The following TNFRSF19 variants were observed in gnomAD, a reference collection of about 807,000 sequenced individuals.
The protein encoded by TNFRSF19 is tumor necrosis factor receptor superfamily member 19.
TNFRSF19 carries 27 observed loss-of-function variants against 46.4 expected under a neutral mutation model. The ratio of observed to expected loss-of-function variants is 0.58; its 90% CI spans 0.43 to 0.80. TNFRSF19 has a LOEUF of 0.80. Among genes scored for constraint, TNFRSF19 ranks in the 30% least tolerant of loss-of-function variants. The pLI, the probability that TNFRSF19 is intolerant of heterozygous loss-of-function variation, is 0.00. For missense variants in TNFRSF19, 511 were observed against 530.8 expected (o/e 0.96, Z 0.37); for synonymous variants, 204 against 205.0 (o/e 1.00, Z 0.04).
chr13:23,622,090 T>C (rs1229951826), intron 4 of TNFRSF19, among the ~76,000 whole-genome samples: 4 of 152,166 alleles, frequency 2.6e-5, no homozygotes, highest in Non-Finnish European at 5.9e-5. Flanking sequence ...TAGCATTTCT[T>C]ATTATTTCTA....
At chr13:23,651,864 T>TTATC (rs1883661992) in intron 5 of TNFRSF19, among the ~76,000 whole-genome samples, 1 of 59,074 alleles carries the variant, frequency 1.7e-5, no homozygotes. Flanking sequence ...TTTTTTTTAC[T>TTATC]CTAAATGGTT....
intron 1 of TNFRSF19, among the ~76,000 whole-genome samples, chr13:23,581,836 C>G (rs1878458632): frequency 6.6e-6 from 1 of 152,144 alleles, no homozygotes; most frequent in African/African-American, 2.4e-5. Context: ...AACAAAAACT[C>G]CAGGCATCTT....
chr13:23,644,422 G>T lies in TNFRSF19; in HGVS notation c.446-14628G>T, dbSNP rs568716851. On this transcript the variant is annotated intron_variant, in intron 5 of 9. Transcript: ENST00000248484. ...TTTTATAAGGGGCTTTCCCCCCTTT[G>T]CTTGGCACCTCTCCTTGCTGCCGCC... Among the ~76,000 whole-genome samples, 4 of 152,258 alleles carry T rather than the reference G, an allele frequency of 2.6e-5. No individual in the cohort carries two copies. In the East Asian group the frequency reaches 7.7e-4, roughly 29 times the overall value.
At chr13:23,595,463 A>G (rs1879652833) in intron 3 of TNFRSF19, among the ~76,000 whole-genome samples, 1 of 152,202 alleles carries the variant, frequency 6.6e-6, no homozygotes, top group Non-Finnish European at 1.5e-5. Context: ...CATGAAGCAT[A>G]CACAAGTATC....
chr13:23,619,879 G>A (rs1477439187), intron 4 of TNFRSF19, among the ~76,000 whole-genome samples: 2 of 152,186 alleles, frequency 1.3e-5, no homozygotes, highest in African/African-American at 2.4e-5. Flanking sequence ...CCGGAGTAGG[G>A]GAGCAGGTCT....
chr13:23,618,277 C>A (rs1881439285), intron 4 of TNFRSF19, among the ~76,000 whole-genome samples: 1 of 152,050 alleles, frequency 6.6e-6, no homozygotes, highest in African/African-American at 2.4e-5. Context: ...TAGAATATGT[C>A]CTCACATATT....
intron 9 of TNFRSF19, among the ~76,000 whole-genome samples, chr13:23,671,503 G>T (rs914619438): frequency 6.2e-4 from 63 of 102,306 alleles, no homozygotes; most frequent in African/African-American, 2.4e-3. Context: ...ATTTCCAGAT[G>T]CTGGAAAAAA....
chr13:23,626,682 A>G (rs1882035001), intron 4 of TNFRSF19, 25 bp from the exon 5 acceptor site: 3 of 1,608,986 alleles, frequency 1.9e-6, no homozygotes, highest in African/African-American at 2.7e-5. Context: ...AGAGTTAACA[A>G]GGAGTATTTT....
At chr13:23,580,035 C>T (rs1321532542) in intron 1 of TNFRSF19, among the ~76,000 whole-genome samples, 4 of 152,142 alleles carry the variant, frequency 2.6e-5, no homozygotes, top group Admixed American at 1.3e-4. Flanking sequence ...GGAAAGAGTT[C>T]CTTAGAGTTC....
At chr13:23,644,659 C>T (rs1054058080) in intron 5 of TNFRSF19, among the ~76,000 whole-genome samples, 1 of 152,188 alleles carries the variant, frequency 6.6e-6, no homozygotes, top group African/African-American at 2.4e-5. Flanking sequence ...AGCTTGGAAA[C>T]GCAGCCCTCA....
intron 5 of TNFRSF19, among the ~76,000 whole-genome samples, chr13:23,647,359 C>G (rs1883394329): frequency 6.6e-6 from 1 of 152,078 alleles, no homozygotes; most frequent in South Asian, 2.1e-4. Context: ...ATTCCAAGCC[C>G]AAGGTCATGA....
chr13:23,605,609 A>G (rs1237349370), intron 3 of TNFRSF19, among the ~76,000 whole-genome samples: 1 of 152,154 alleles, frequency 6.6e-6, no homozygotes, highest in Non-Finnish European at 1.5e-5. Context: ...GATCCCTACA[A>G]TGGAATATTA....
At chr13:23,582,682 C>T (rs1167255168) in intron 1 of TNFRSF19, among the ~76,000 whole-genome samples, 1 of 152,202 alleles carries the variant, frequency 6.6e-6, no homozygotes, top group East Asian at 1.9e-4. Context: ...CAAAAGTTTC[C>T]TTACAACTCG....
intron 1 of TNFRSF19, among the ~76,000 whole-genome samples, chr13:23,579,949 C>A (rs1490752825): frequency 1.3e-5 from 2 of 152,224 alleles, no homozygotes; most frequent in Non-Finnish European, 2.9e-5. Flanking sequence ...GCAGGGGTCT[C>A]GGGGCCGCAT....
At chr13:23,672,572 A>C (rs1313504882) in intron 9 of TNFRSF19, among the ~76,000 whole-genome samples, 1 of 152,198 alleles carries the variant, frequency 6.6e-6, no homozygotes, top group Admixed American at 6.5e-5. Flanking sequence ...ATTTGATAAA[A>C]CTATCTCCTG....
intron 1 of TNFRSF19, among the ~76,000 whole-genome samples, chr13:23,584,469 C>T (rs1393915070): frequency 6.6e-6 from 1 of 151,950 alleles, no homozygotes; most frequent in Admixed American, 6.6e-5. Flanking sequence ...TTTAGCCACT[C>T]ACTGATTTAT....
At position 23,633,837 on chromosome 13, in the gene TNFRSF19, G is replaced by A. The variant is rs141448830; in HGVS notation, c.445+7045G>A. On this transcript the variant is annotated intron_variant, in intron 5 of 9. Transcript: ENST00000248484. ...GCACTCCAGCCTGGGTGACAAGAGCGAAACTCCATCTCAAAACATAAGATA... is the reference window on the plus strand; with the variant it reads ...GCACTCCAGCCTGGGTGACAAGAGCAAAACTCCATCTCAAAACATAAGATA... Among the ~76,000 whole-genome samples, 128 of 152,158 alleles carry A rather than the reference G, an allele frequency of 8.4e-4. 3 individuals carry two copies. In the East Asian group the frequency reaches 0.02, roughly 24 times the overall value.
intron 3 of TNFRSF19, among the ~76,000 whole-genome samples, chr13:23,608,224 G>T (rs1030440296): frequency 1.3e-5 from 2 of 152,170 alleles, no homozygotes; most frequent in African/African-American, 2.4e-5. Context: ...ACTTTTAAAA[G>T]ATTCTTATTT....
chr13:23,587,064 A>G (rs1036583623), intron 1 of TNFRSF19, among the ~76,000 whole-genome samples: 1 of 152,120 alleles, frequency 6.6e-6, no homozygotes. Context: ...CCCATGGTAC[A>G]TAATCTCAGT....
Sources: gnomAD v4.1 joint callset for allele counts (sites outside exome capture counted in the v4.1 genomes callset) on GRCh38, gnomAD v4.1.1 for gene constraint, MANE v1.5 for transcripts, NCBI Gene and HGNC (gene_info 2026-07-23, HGNC 2026-07-21) for gene names.